Variants in TSHR observed in about 807,000 individuals in gnomAD.
The protein encoded by TSHR is thyrotropin receptor.
TSHR carries 51 observed loss-of-function variants against 64.1 expected under a neutral mutation model. The ratio of observed to expected loss-of-function variants is 0.80; its 90% CI spans 0.64 to 1.01. TSHR has a LOEUF of 1.01. Among genes scored for constraint, TSHR ranks in the 50% least tolerant of loss-of-function variants. TSHR has a pLI of 0.00. For missense variants in TSHR, 877 were observed against 942.8 expected (o/e 0.93, Z 0.91); for synonymous variants, 361 against 361.9 (o/e 1.00, Z 0.03).
chr14:80,974,680 G>T (rs1296050905), intron 1 of TSHR, among the ~76,000 whole-genome samples: 1 of 152,154 alleles, frequency 6.6e-6, no homozygotes, highest in Non-Finnish European at 1.5e-5. Context: ...TACTTGTGAA[G>T]GATTCCTTTT....
intron 8 of TSHR, among the ~76,000 whole-genome samples, chr14:81,115,833 C>T (rs1489671179): frequency 3.9e-5 from 6 of 152,108 alleles, no homozygotes; most frequent in East Asian, 1.9e-4. Context: ...GTGGATCTCT[C>T]GGCAGAAACC....
chr14:81,074,375 T>A (rs73351682), intron 3 of TSHR, among the ~76,000 whole-genome samples: 7,178 of 152,284 alleles, frequency 0.047, 560 homozygotes, highest in African/African-American at 0.16. Flanking sequence ...ATTTGTTTTA[T>A]AATCATTTAT....
At chr14:81,108,293 T>C (rs1294557275) in intron 7 of TSHR, 82 bp from the exon 8 acceptor site, 1 of 1,150,634 alleles carries the variant, frequency 8.7e-7, no homozygotes, top group Non-Finnish European at 1.3e-6. Flanking sequence ...TCACATTTTA[T>C]TCTGATATTT....
intron 8 of TSHR, among the ~76,000 whole-genome samples, chr14:81,116,243 A>T (rs1255537770): frequency 6.9e-6 from 1 of 144,684 alleles, no homozygotes; most frequent in Non-Finnish European, 1.5e-5. Context: ...GGCAAATTGG[A>T]TAAAGAGTCA....
chr14:81,005,318 G>T (rs892112525), intron 1 of TSHR, among the ~76,000 whole-genome samples: 7 of 151,912 alleles, frequency 4.6e-5, no homozygotes, highest in African/African-American at 1.7e-4. Context: ...AAATATATGT[G>T]TATTTATGCA....
intron 1 of TSHR, chr14:80,982,265 G>C: frequency 2.7e-6 from 2 of 736,990 alleles, no homozygotes; most frequent in Non-Finnish European, 4.3e-6. Flanking sequence ...CCCGAGGCTG[G>C]GAATGAGTCC....
intron 1 of TSHR, among the ~76,000 whole-genome samples, chr14:81,048,449 A>C (rs1812433367): frequency 6.6e-6 from 1 of 152,096 alleles, no homozygotes; most frequent in Non-Finnish European, 1.5e-5. Context: ...AGATGGGCAT[A>C]CTAGGTTCGT....
intron 1 of TSHR, among the ~76,000 whole-genome samples, chr14:80,984,528 A>T (rs1008438460): frequency 7.2e-5 from 11 of 152,182 alleles, no homozygotes; most frequent in African/African-American, 2.4e-4. Flanking sequence ...CTAGATTCCC[A>T]CAGCAGGCAG....
At chr14:81,110,772 C>T (rs1214522363) in intron 8 of TSHR, among the ~76,000 whole-genome samples, 1 of 152,090 alleles carries the variant, frequency 6.6e-6, no homozygotes, top group Admixed American at 6.6e-5. Flanking sequence ...GTTAAGCCTG[C>T]TCTATTCTTG....
chr14:81,045,445 G>C (rs572424202), intron 1 of TSHR, among the ~76,000 whole-genome samples: 2 of 151,904 alleles, frequency 1.3e-5, no homozygotes, highest in South Asian at 2.1e-4. Flanking sequence ...CAGGTTTGTT[G>C]CATAGGTAAA....
At chr14:81,013,266 AT>A (rs1337633016) in intron 1 of TSHR, 1 of 152,110 alleles carries the variant, frequency 6.6e-6, no homozygotes, top group Non-Finnish European at 1.5e-5. Flanking sequence ...ATGCGGCGTT[AT>A]TTCTGAGGGC....
chr14:80,987,972 A>G lies in TSHR; in HGVS notation c.170+32122A>G, dbSNP rs78653778. On this transcript the variant is annotated intron_variant, in intron 1 of 9. Transcript: ENST00000298171. ...ACTCTAGGAGTCTTCAAATTTGACA[A>G]CAGATTAAAATTGCCAGGACAACTT... Among the ~76,000 whole-genome samples the G allele has an allele frequency of 7.9e-5, 12 of 152,282 alleles. No individual in the cohort carries two copies. The East Asian group carries it at 2.3e-3, about 29-fold the overall frequency.
intron 8 of TSHR, among the ~76,000 whole-genome samples, chr14:81,112,378 C>T (rs1890262328): frequency 6.6e-6 from 1 of 152,160 alleles, no homozygotes; most frequent in South Asian, 2.1e-4. Context: ...CCTTAGCTCA[C>T]TGCATCATTC....
At chr14:81,107,450 CT>C (rs1488945327) in intron 7 of TSHR, among the ~76,000 whole-genome samples, 1 of 152,072 alleles carries the variant, frequency 6.6e-6, no homozygotes, top group Non-Finnish European at 1.5e-5. Context: ...TGCTATGCTT[CT>C]TTTTAGATAA....
intron 3 of TSHR, among the ~76,000 whole-genome samples, chr14:81,070,131 C>A (rs187165939): frequency 2.0e-4 from 30 of 152,128 alleles, no homozygotes; most frequent in Non-Finnish European, 4.0e-4. Context: ...AATAAAAAAT[C>A]TAGCATACCT....
chr14:81,093,585 A>C (rs1888927793), intron 6 of TSHR: 1 of 152,180 alleles, frequency 6.6e-6, no homozygotes, highest in Non-Finnish European at 1.5e-5. Context: ...TACTCACCAG[A>C]AAAATGGATC....
chr14:81,111,736 C>T lies in TSHR; in HGVS notation c.692+3284C>T, dbSNP rs150474396. Among the ~76,000 whole-genome samples the T allele has an allele frequency of 2.9e-3, 441 of 152,194 alleles. 3 individuals carry two copies. Among genetic ancestry groups the T allele is most frequent in the Non-Finnish European group, 5.2e-3 (353 of 68,008 alleles). ...AGCACCTGCTGGCATTTTAATTCTG[C>T]CTTAGAGGGCAGAATTGTATTTCCA... On this transcript the variant is annotated intron_variant, in intron 8 of 9. Transcript: ENST00000298171.
intron 8 of TSHR, among the ~76,000 whole-genome samples, chr14:81,118,639 C>T (rs1401473632): frequency 6.6e-6 from 1 of 152,140 alleles, no homozygotes; most frequent in African/African-American, 2.4e-5. Flanking sequence ...CCCCATCAAG[C>T]TACCAATGAC....
intron 1 of TSHR, among the ~76,000 whole-genome samples, chr14:81,043,091 C>T (rs778389318): frequency 2.6e-5 from 4 of 151,908 alleles, no homozygotes; most frequent in African/African-American, 4.8e-5. Flanking sequence ...TTCTAGGGCA[C>T]GCAGGCAAGA....
Sources: gnomAD v4.1 joint callset for allele counts (sites outside exome capture counted in the v4.1 genomes callset) on GRCh38, gnomAD v4.1.1 for gene constraint, MANE v1.5 for transcripts, NCBI Gene and HGNC (gene_info 2026-07-23, HGNC 2026-07-21) for gene names.